The following VWA5B1 variants were observed in gnomAD, a reference collection of about 807,000 sequenced individuals.
VWA5B1 encodes the protein von Willebrand factor A domain containing 5B1.
A neutral mutation model predicts 118.2 loss-of-function variants in VWA5B1; 115 were observed. The ratio of observed to expected loss-of-function variants is 0.97; its 90% CI spans 0.84 to 1.14. The LOEUF is 1.14. Among genes scored for constraint, VWA5B1 ranks in the 50% most tolerant of loss-of-function variants. The pLI is 0.00. For missense variants in VWA5B1, 1,596 were observed against 1,603.8 expected (o/e 1.00, Z 0.08); for synonymous variants, 682 against 658.4 (o/e 1.04, Z -0.55).
intron 14 of VWA5B1, among the ~76,000 whole-genome samples, chr1:20,339,626 C>G (rs768649408): frequency 1.3e-5 from 2 of 152,148 alleles, no homozygotes; most frequent in Non-Finnish European, 2.9e-5. Flanking sequence ...TAAAAGCAGT[C>G]TTTTCACTCT....
intron 4 of VWA5B1, among the ~76,000 whole-genome samples, chr1:20,316,765 G>A (rs1299252241): frequency 1.3e-5 from 2 of 152,196 alleles, no homozygotes; most frequent in Non-Finnish European, 2.9e-5. Flanking sequence ...AACACTTAGA[G>A]GAGAAATGAC....
rs770712276 is a variant in VWA5B1 at position 20,314,572 on chromosome 1, C to T, written c.543C>T (p.Thr181=). 14 of 1,551,506 alleles carry T rather than the reference C, an allele frequency of 9.0e-6. No homozygotes were observed. The South Asian group carries it at 1.4e-4, about 16-fold the overall frequency. The change falls in exon 4 of 22, where the codon ACC becomes ACT. Residue 181 remains threonine (T), a synonymous_variant. Transcript: ENST00000289815. ...AGTTCTGCACCAAGAGCACTGGCAC[C>T]TCCAACCAACAGGCCCAGGGGTAAG... ...VPQFCTKSTG[T]SNQQAQGKDR... is the part of the protein sequence containing the mutation.
chr1:20,332,772 A>G lies in VWA5B1; in HGVS notation c.1579A>G (p.Lys527Glu), dbSNP rs2089607139. ...TTCTGACCCTGCCCTACAGATGGTCAAATCCTTGAAGAAGGCCATGGCCCC... is the reference window on the plus strand; with the variant it reads ...TTCTGACCCTGCCCTACAGATGGTCGAATCCTTGAAGAAGGCCATGGCCCC... ...EGERLQPKMV[K>E]SLKKAMAPVL... The change falls in exon 12 of 22, where the codon AAA (lysine) becomes GAA (glutamate). Residue 527 changes from lysine (K) to glutamate (E), a missense_variant. Transcript: ENST00000289815. The G allele has an allele frequency of 9.0e-6, 14 of 1,551,698 alleles. No homozygotes were observed. Among genetic ancestry groups the G allele is most frequent in the Non-Finnish European group, 1.2e-5 (14 of 1,146,968 alleles).
At chr1:20,328,816 CAA>C in intron 9 of VWA5B1, among the ~76,000 whole-genome samples, 1 of 152,148 alleles carries the variant, frequency 6.6e-6, no homozygotes, top group South Asian at 2.1e-4. Context: ...ATATCAAAAA[CAA>C]ATTTTTTTTA....
Position 20,354,378 on chromosome 1 carries a change from GA to G in VWA5B1, c.*118del. The stretch of plus-strand genomic sequence containing the variant: ...GCTGTAACTAATATTTCAGTTACTA[GA>G]AAGAGCCCTGGACTGGCAGCCAGGA... On this transcript the variant is annotated 3_prime_UTR_variant, in exon 22 of 22. Coordinates refer to ENST00000289815, the MANE Select transcript of VWA5B1 (RefSeq NM_001039500.3). The G allele has an allele frequency of 7.6e-7, 1 of 1,315,554 alleles. No individual in the cohort carries two copies. Among genetic ancestry groups the G allele is most frequent in the East Asian group, 2.5e-5 (1 of 39,256 alleles). 81.5% of individuals were successfully genotyped at this position (1,315,554 alleles called of 1,614,324 possible).
intron 1 of VWA5B1, among the ~76,000 whole-genome samples, chr1:20,302,083 A>G (rs1203741920): frequency 6.6e-6 from 1 of 152,148 alleles, no homozygotes; most frequent in Admixed American, 6.5e-5. Context: ...ACAGTCTCCT[A>G]GCTGGAAGCC....
At chr1:20,329,115 G>A (rs1367564255) in intron 9 of VWA5B1, among the ~76,000 whole-genome samples, 1 of 152,074 alleles carries the variant, frequency 6.6e-6, no homozygotes, top group Non-Finnish European at 1.5e-5. Flanking sequence ...CTGCAGTCAA[G>A]CATTAAAGTT....
intron 1 of VWA5B1, among the ~76,000 whole-genome samples, chr1:20,305,008 C>G (rs1056285991): frequency 1.3e-5 from 2 of 152,110 alleles, no homozygotes; most frequent in African/African-American, 4.8e-5. Flanking sequence ...GTGCCTGGCA[C>G]TACTCTGTGG....
In VWA5B1 at chr1:20,337,686, C is replaced by T. The variant is rs951385194; in HGVS notation, c.1983C>T (p.Asn661=). The change falls in exon 14 of 22, where the codon AAC becomes AAT. Residue 661 remains asparagine (N), a synonymous_variant. Transcript: ENST00000289815. ...AGCGACGGAGGGCATACAGCACCAACCAGATCACCAATCACAAGCCCCTCC... is the reference window on the plus strand; with the variant it reads ...AGCGACGGAGGGCATACAGCACCAATCAGATCACCAATCACAAGCCCCTCC... The part of the protein sequence containing the change: ...LSQRRRAYST[N]QITNHKPLPR... 1.3e-6 allele frequency: 2 copies of T among 1,551,716 alleles called. No homozygotes were observed. The highest frequency in any genetic ancestry group is 1.7e-6 in the Non-Finnish European group (2 of 1,146,998).
chr1:20,292,484 G>A (rs759592628), intron 1 of VWA5B1, among the ~76,000 whole-genome samples: 4 of 152,212 alleles, frequency 2.6e-5, no homozygotes, highest in Non-Finnish European at 5.9e-5. Flanking sequence ...GTGTGTAAGG[G>A]GATTACCTGG....
At chr1:20,344,530 T>A (rs931354640) in intron 16 of VWA5B1, among the ~76,000 whole-genome samples, 1 of 152,154 alleles carries the variant, frequency 6.6e-6, no homozygotes, top group East Asian at 1.9e-4. Context: ...ATTAATTGAG[T>A]GCATTTGTCC....
At chr1:20,326,653 A>T (rs187783967) in intron 8 of VWA5B1, among the ~76,000 whole-genome samples, 2 of 151,962 alleles carry the variant, frequency 1.3e-5, no homozygotes, top group Admixed American at 6.6e-5. Flanking sequence ...TTTAGTAGAG[A>T]CGGTTCAGGC....
chr1:20,310,712 T>TG lies in VWA5B1; in HGVS notation c.113dup (p.Asn39GlnfsTer17). On this transcript the variant is annotated frameshift_variant, in exon 2 of 22. Transcript: ENST00000289815. LOFTEE classifies it high-confidence loss of function. The stretch of plus-strand genomic sequence containing the variant: ...TGGGCCTAACTGCCTCCCTCACCTA[T>TG]GGCAACCTGGAAGCCCAGCCCTTCC... The TG allele has an allele frequency of 6.5e-7, 1 of 1,550,162 alleles. No homozygotes were observed. Among genetic ancestry groups the TG allele is most frequent in the Non-Finnish European group, 8.7e-7 (1 of 1,146,438 alleles).
chr1:20,296,434 C>A lies in VWA5B1; in HGVS notation c.-27+5346C>A, dbSNP rs576520308. 2.4e-4 allele frequency among the ~76,000 whole-genome samples: 36 copies of A among 152,296 alleles called. No individual in the cohort carries two copies. In the South Asian group the frequency reaches 2.5e-3, roughly 11 times the overall value. On this transcript the variant is annotated intron_variant, in intron 1 of 21. Transcript: ENST00000289815. ...AAGAGGACATTGGAGGACTCCTAGTCCTACACAAGGCCATAGATAAATGAG... is the reference window on the plus strand; with the variant it reads ...AAGAGGACATTGGAGGACTCCTAGTACTACACAAGGCCATAGATAAATGAG...
intron 6 of VWA5B1, 68 bp downstream of exon 6, chr1:20,318,789 A>G: frequency 2.1e-6 from 3 of 1,425,106 alleles, no homozygotes; most frequent in Non-Finnish European, 2.8e-6. Context: ...CTGTGGGGAC[A>G]GAACATGTGG....
In VWA5B1 at chr1:20,343,360, C is replaced by T; in HGVS notation, c.2593C>T (p.Gln865Ter). The T allele has an allele frequency of 6.5e-7, 1 of 1,538,736 alleles. No individual in the cohort carries two copies. The part of the protein sequence containing the change: ...AARAIIRDFE[Q>*]LAEREGEIEQ... ...CCGCGCCATCATCCGCGACTTCGAG[C>T]AGCTGGCGGAGCGCGAGGGCGAGAT... Residue 865 changes from glutamine (Q) to a stop codon, truncating the protein, a stop_gained, in exon 16 of 22, where the codon CAG (glutamine) becomes TAG (stop). Coordinates refer to ENST00000289815, the MANE Select transcript of VWA5B1 (RefSeq NM_001039500.3). LOFTEE classifies it high-confidence loss of function.
rs551859712 is a variant in VWA5B1 at position 20,356,862 on chromosome 1, T to C, written c.*2599T>C. Among the ~76,000 whole-genome samples the C allele has an allele frequency of 8.5e-5, 13 of 152,318 alleles. No homozygotes were observed. In the South Asian group the frequency reaches 1.7e-3, roughly 19 times the overall value. ...GAACTTCAGTGGTATTGAGATGACA[T>C]GCAGCCTCAAAAACGTGCTACCGGG... On this transcript the variant is annotated 3_prime_UTR_variant, in exon 22 of 22. Transcript: ENST00000289815.
Position 20,293,545 on chromosome 1 carries a change from C to T in VWA5B1, c.-27+2457C>T, listed in dbSNP as rs2088351386. Among the ~76,000 whole-genome samples the T allele has an allele frequency of 2.0e-5, 3 of 152,312 alleles. No homozygotes were observed. In the South Asian group the frequency reaches 6.2e-4, roughly 32 times the overall value. ...CAACACAACCTCCAGTGACCAATGA[C>T]CAGGCTATACAGACACAGGTTTCTC... is the stretch of plus-strand genomic sequence containing the variant. On this transcript the variant is annotated intron_variant, in intron 1 of 21. Transcript: ENST00000289815.
At chr1:20,325,005 A>G (rs2089334753) in intron 8 of VWA5B1, among the ~76,000 whole-genome samples, 1 of 152,176 alleles carries the variant, frequency 6.6e-6, no homozygotes, top group South Asian at 2.1e-4. Context: ...AAGATGTCTC[A>G]GTTACCCTAG....
Sources: gnomAD v4.1 joint callset for allele counts (sites outside exome capture counted in the v4.1 genomes callset) on GRCh38, gnomAD v4.1.1 for gene constraint, MANE v1.5 for transcripts, NCBI Gene and HGNC (gene_info 2026-07-23, HGNC 2026-07-21) for gene names.